LRP1B: variants seen among roughly 807,000 people sequenced by gnomAD.
LRP1B encodes the protein LDL receptor related protein 1B.
LRP1B carries 217 observed loss-of-function variants against 556.6 expected under a neutral mutation model. That is an observed-to-expected ratio of 0.39 (90% CI 0.35 to 0.44). LRP1B has a LOEUF of 0.44. Ranked by LOEUF, LRP1B falls within the 20% of genes least tolerant of loss-of-function variation. The probability of loss-of-function intolerance (pLI) is 1.00; values close to 1 mark genes in which losing one functional copy is unlikely to be tolerated. For synonymous variants in LRP1B, 2,047 were observed against 1,865.8 expected (o/e 1.10, Z -2.50); for missense variants, 5,053 against 5,620.8 (o/e 0.90, Z 3.23).
At chr2:140,299,945 T>C (rs1455849621) in intron 83 of LRP1B, among the ~76,000 whole-genome samples, 1 of 152,140 alleles carries the variant, frequency 6.6e-6, no homozygotes, top group African/African-American at 2.4e-5. Context: ...TATGTGTTTT[T>C]CTTTTTTTTT....
intron 59 of LRP1B, among the ~76,000 whole-genome samples, chr2:140,476,937 C>T (rs16844092): frequency 0.048 from 7,319 of 151,976 alleles, 218 homozygotes; most frequent in African/African-American, 0.052. Flanking sequence ...AATTATCAAG[C>T]AATAATAGAT....
intron 7 of LRP1B, among the ~76,000 whole-genome samples, chr2:141,118,829 A>C (rs1700970967): frequency 6.6e-6 from 1 of 151,866 alleles, no homozygotes; most frequent in African/African-American, 2.4e-5. Flanking sequence ...AATCATAATA[A>C]TATTAAGGTT....
At position 140,743,993 on chromosome 2, in the gene LRP1B, T is replaced by TAAAAAAAAAAAAAAAAA; in HGVS notation, c.5758+25219_5758+25220insTTTTTTTTTTTTTTTTT. ...AAAAAAAAAAAAAAAAAAAAAAAAG[T>TAAAAAAAAAAAAAAAAA]AAAAAGTAAAATCCATAGACATAGA... On this transcript the variant is annotated intron_variant, in intron 35 of 90. Coordinates refer to ENST00000389484, the MANE Select transcript of LRP1B (RefSeq NM_018557.3). 5.6e-4 allele frequency among the ~76,000 whole-genome samples: 4 copies of TAAAAAAAAAAAAAAAAA among 7,162 alleles called. 2 individuals carry two copies. Among genetic ancestry groups the TAAAAAAAAAAAAAAAAA allele is most frequent in the Non-Finnish European group, 1.5e-3 (4 of 2,694 alleles). 4.7% of individuals were successfully genotyped at this position (7,162 alleles called of 152,430 possible).
At chr2:140,358,980 T>C in intron 72 of LRP1B, 34 bp from the exon 73 acceptor site, 1 of 1,592,696 alleles carries the variant, frequency 6.3e-7, no homozygotes. Flanking sequence ...AAGAAGCTCC[T>C]TCGAGTACAT....
intron 2 of LRP1B, among the ~76,000 whole-genome samples, chr2:141,661,931 G>A (rs1011492181): frequency 6.6e-6 from 1 of 152,170 alleles, no homozygotes; most frequent in East Asian, 1.9e-4. Context: ...CAGCCAGAGA[G>A]AAAGGCCAGG....
chr2:140,744,129 T>C (rs1284658737), intron 35 of LRP1B, among the ~76,000 whole-genome samples: 1 of 152,002 alleles, frequency 6.6e-6, no homozygotes, highest in Non-Finnish European at 1.5e-5. Context: ...ACAGCATGAA[T>C]GGTGATAGAT....
intron 7 of LRP1B, among the ~76,000 whole-genome samples, chr2:141,170,314 G>T (rs1039791093): frequency 4.6e-5 from 7 of 152,002 alleles, no homozygotes; most frequent in Admixed American, 2.6e-4. Context: ...TCTCATTCTG[G>T]TCTTGTTGCT....
intron 55 of LRP1B, among the ~76,000 whole-genome samples, chr2:140,498,658 T>C (rs1164548085): frequency 6.6e-6 from 1 of 151,846 alleles, no homozygotes; most frequent in Non-Finnish European, 1.5e-5. Flanking sequence ...CACCATTCTC[T>C]GAAACAGAGA....
chr2:140,534,993 C>G (rs866637778), intron 46 of LRP1B, among the ~76,000 whole-genome samples: 1 of 152,152 alleles, frequency 6.6e-6, no homozygotes, highest in Admixed American at 6.5e-5. Context: ...AAAGCCCATA[C>G]TCTACACCTG....
At chr2:140,321,786 T>G (rs1256450230) in intron 82 of LRP1B, among the ~76,000 whole-genome samples, 177 bp downstream of exon 82, 2 of 151,786 alleles carry the variant, frequency 1.3e-5, no homozygotes, top group African/African-American at 4.8e-5. Flanking sequence ...AAATGCAGAA[T>G]GAATTGTTTG....
At chr2:140,737,191 C>T (rs1687976272) in intron 35 of LRP1B, among the ~76,000 whole-genome samples, 1 of 152,058 alleles carries the variant, frequency 6.6e-6, no homozygotes, top group Admixed American at 6.6e-5. Context: ...AGCCAAGGCC[C>T]TAGGGAGAAG....
intron 18 of LRP1B, among the ~76,000 whole-genome samples, chr2:140,966,595 G>A (rs1479413101): frequency 6.6e-6 from 1 of 152,144 alleles, no homozygotes; most frequent in Non-Finnish European, 1.5e-5. Flanking sequence ...TGCTTTTGGT[G>A]TTTAGACATA....
intron 41 of LRP1B, among the ~76,000 whole-genome samples, chr2:140,626,701 T>A (rs1394783346): frequency 2.8e-5 from 4 of 142,256 alleles, no homozygotes; most frequent in Non-Finnish European, 4.6e-5. Context: ...AGCTTCCATT[T>A]AAAAAAAAAA....
chr2:140,821,310 G>A (rs991438616), intron 31 of LRP1B, among the ~76,000 whole-genome samples: 1 of 152,068 alleles, frequency 6.6e-6, no homozygotes, highest in Non-Finnish European at 1.5e-5. Context: ...AGATGAAAAT[G>A]TAATATATTT....
At chr2:141,668,081 T>G (rs963336814) in intron 2 of LRP1B, among the ~76,000 whole-genome samples, 1 of 152,168 alleles carries the variant, frequency 6.6e-6, no homozygotes, top group African/African-American at 2.4e-5. Flanking sequence ...CAATAAGCAA[T>G]CAGACTCAAA....
rs549118668 is a variant in LRP1B at position 140,723,693 on chromosome 2, C to T, written c.5759-6877G>A. On this transcript the variant is annotated intron_variant, in intron 35 of 90. Coordinates refer to ENST00000389484, the MANE Select transcript of LRP1B (RefSeq NM_018557.3). ...CTTACATTAATATTATCTCTTGTTG[C>T]CATATGGCCAATAATTTGAAACAAG... 1.5e-4 allele frequency among the ~76,000 whole-genome samples: 23 copies of T among 152,182 alleles called. No individual in the cohort carries two copies. The South Asian group carries it at 4.8e-3, about 32-fold the overall frequency.
intron 4 of LRP1B, 41 bp downstream of exon 4, chr2:141,254,481 C>T (rs765922589): frequency 9.3e-6 from 15 of 1,604,814 alleles, no homozygotes; most frequent in Non-Finnish European, 1.3e-5. Flanking sequence ...TTAACTAAGC[C>T]TCTATAAACA....
intron 35 of LRP1B, among the ~76,000 whole-genome samples, chr2:140,730,733 A>G (rs1166765537): frequency 2.6e-5 from 4 of 151,994 alleles, no homozygotes; most frequent in Non-Finnish European, 5.9e-5. Context: ...TAATTTTTGT[A>G]TTTTTAGTAG....
intron 41 of LRP1B, among the ~76,000 whole-genome samples, chr2:140,606,917 C>T (rs1559000886): frequency 6.6e-6 from 1 of 151,508 alleles, no homozygotes; most frequent in East Asian, 1.9e-4. Flanking sequence ...AAACATGACA[C>T]AAAAAATACA....
Sources: allele counts gnomAD v4.1 joint callset (sites outside exome capture counted in the v4.1 genomes callset), GRCh38; gene constraint gnomAD v4.1.1; transcripts MANE v1.5; gene names NCBI Gene and HGNC (gene_info 2026-07-23, HGNC 2026-07-21).